KANK1: variants seen among roughly 807,000 people sequenced by gnomAD.
KANK1 encodes the protein KN motif and ankyrin repeat domains 1, also known as KN motif and ankyrin repeat domain-containing protein 1.
Under a neutral mutation model 106.2 loss-of-function variants are expected in KANK1, and 109 were observed. The observed-to-expected ratio is 1.03, with a 90% CI of 0.88 to 1.20. KANK1 has a LOEUF of 1.20. KANK1 is among the 50% of genes most tolerant of loss of function. KANK1 has a pLI of 0.00. For synonymous variants in KANK1, 873 were observed against 652.2 expected (o/e 1.34, Z -5.16); for missense variants, 2,399 against 1,710.7 (o/e 1.40, Z -7.10).
intron 1 of KANK1, among the ~76,000 whole-genome samples, chr9:587,082 G>A (rs1388323132): frequency 2.0e-5 from 3 of 152,184 alleles, no homozygotes; most frequent in African/African-American, 7.2e-5. Context: ...ATCACACTAG[G>A]AAATTGTCCA....
chr9:734,337 G>A (rs934972493), intron 6 of KANK1: 2 of 180,670 alleles, frequency 1.1e-5, no homozygotes, highest in African/African-American at 4.7e-5. Flanking sequence ...GACCTGCCTG[G>A]GCTGGCTTGG....
intron 11 of KANK1, 188 bp from the exon 12 acceptor site, chr9:744,985 C>A: frequency 1.3e-6 from 2 of 1,492,162 alleles, no homozygotes; most frequent in Non-Finnish European, 1.8e-6. Flanking sequence ...GACAGCCGGA[C>A]ATAGCACTGC....
intron 1 of KANK1, among the ~76,000 whole-genome samples, chr9:666,401 C>G (rs112958483): frequency 5.8e-4 from 89 of 152,184 alleles, no homozygotes; most frequent in Middle Eastern, 3.4e-3. Context: ...ACATTCAAAG[C>G]GAATTTGACT....
At chr9:595,243 GT>G (rs1218205610) in intron 1 of KANK1, among the ~76,000 whole-genome samples, 112 of 151,892 alleles carry the variant, frequency 7.4e-4, no homozygotes, top group Non-Finnish European at 1.2e-3. Flanking sequence ...GTGAGACCCT[GT>G]CTCTACTTTT....
chr9:575,681 A>G (rs1820364022), intron 1 of KANK1, among the ~76,000 whole-genome samples: 1 of 152,008 alleles, frequency 6.6e-6, no homozygotes, highest in South Asian at 2.1e-4. Context: ...AAAAAAAATT[A>G]ATTACAGAGA....
intron 1 of KANK1, among the ~76,000 whole-genome samples, chr9:556,319 T>C (rs1050373909): frequency 2.0e-5 from 3 of 152,176 alleles, no homozygotes; most frequent in African/African-American, 7.2e-5. Context: ...CTGATGCAGT[T>C]AGAAGTTCAA....
At chr9:561,833 AAG>A (rs1419770790) in intron 1 of KANK1, among the ~76,000 whole-genome samples, 1 of 152,232 alleles carries the variant, frequency 6.6e-6, no homozygotes, top group Non-Finnish European at 1.5e-5. Flanking sequence ...GAAAACTGTC[AAG>A]AGTCTGTAAC....
intron 1 of KANK1, among the ~76,000 whole-genome samples, chr9:518,692 A>G (rs1016680542): frequency 6.6e-6 from 1 of 151,502 alleles, no homozygotes; most frequent in Non-Finnish European, 1.5e-5. Flanking sequence ...TCCCTAGGAA[A>G]AGTCCTCAAA....
chr9:582,491 A>G (rs1211652173), intron 1 of KANK1, among the ~76,000 whole-genome samples: 1 of 152,128 alleles, frequency 6.6e-6, no homozygotes, highest in Admixed American at 6.5e-5. Flanking sequence ...CCTCACTCAC[A>G]CTGTGCACTT....
Position 482,289 on chromosome 9 carries a change from C to T in KANK1, c.-362+9016C>T, listed in dbSNP as rs540336424. On this transcript the variant is annotated intron_variant, in intron 3 of 15. Coordinates refer to the KANK1 transcript ENST00000382303. ...GAATTTTCAAGTGACGAGTGTAATCCTAAGCACTTAATGGTCAGAAGTGAG... is the reference window on the plus strand; with the variant it reads ...GAATTTTCAAGTGACGAGTGTAATCTTAAGCACTTAATGGTCAGAAGTGAG... 2.0e-5 allele frequency among the ~76,000 whole-genome samples: 3 copies of T among 152,282 alleles called. No homozygotes were observed. In the South Asian group the frequency reaches 6.2e-4, roughly 32 times the overall value.
intron 2 of KANK1, among the ~76,000 whole-genome samples, chr9:696,018 C>T (rs1341336472): frequency 6.6e-6 from 1 of 152,138 alleles, no homozygotes; most frequent in African/African-American, 2.4e-5. Context: ...GAGGGCCAGG[C>T]GCGGTGGCTC....
intron 3 of KANK1, among the ~76,000 whole-genome samples, chr9:721,238 T>C (rs1829238418): frequency 6.6e-6 from 1 of 152,186 alleles, no homozygotes; most frequent in Non-Finnish European, 1.5e-5. Context: ...AAGTAAAGAA[T>C]GTCACTTTCT....
At chr9:566,254 A>G (rs1229813366) in intron 1 of KANK1, among the ~76,000 whole-genome samples, 1 of 152,144 alleles carries the variant, frequency 6.6e-6, no homozygotes, top group African/African-American at 2.4e-5. Context: ...TATCCACTGT[A>G]CCACTGATGG....
At chr9:733,541 G>T (rs1298127338) in intron 6 of KANK1, 3 of 152,228 alleles carry the variant, frequency 2.0e-5, no homozygotes, top group Admixed American at 6.5e-5. Context: ...ATGGTAATTT[G>T]TGGAAAGTCA....
chr9:665,518 C>T (rs981852776), intron 1 of KANK1, among the ~76,000 whole-genome samples: 2 of 152,150 alleles, frequency 1.3e-5, no homozygotes, highest in African/African-American at 2.4e-5. Flanking sequence ...TCTGTTCAGT[C>T]GGTGTTTGTG....
intron 1 of KANK1, among the ~76,000 whole-genome samples, chr9:581,478 A>G (rs1029703202): frequency 6.6e-6 from 1 of 151,958 alleles, no homozygotes; most frequent in African/African-American, 2.4e-5. Flanking sequence ...GAAGTCAATG[A>G]TGTTGAACTA....
intron 1 of KANK1, among the ~76,000 whole-genome samples, chr9:620,079 C>G (rs1832777879): frequency 6.6e-6 from 1 of 151,746 alleles, no homozygotes; most frequent in Non-Finnish European, 1.5e-5. Context: ...AGAGGTTGAG[C>G]CAAGATCACA....
chr9:690,263 G>A (rs368400707), intron 2 of KANK1, among the ~76,000 whole-genome samples: 8 of 147,728 alleles, frequency 5.4e-5, no homozygotes, highest in East Asian at 2.0e-4. Flanking sequence ...CCGAGATCCC[G>A]CCATTGTACT....
chr9:513,895 T>G (rs989480396), intron 1 of KANK1, among the ~76,000 whole-genome samples: 1 of 152,262 alleles, frequency 6.6e-6, no homozygotes, highest in Non-Finnish European at 1.5e-5. Context: ...TGCACACCTG[T>G]AGTCCCAGCT....
Sources: gnomAD v4.1 joint callset for allele counts (sites outside exome capture counted in the v4.1 genomes callset) on GRCh38, gnomAD v4.1.1 for gene constraint, MANE v1.5 for transcripts, NCBI Gene and HGNC (gene_info 2026-07-23, HGNC 2026-07-21) for gene names.